Variants in FCHO2 observed in about 807,000 individuals in gnomAD.
The protein encoded by FCHO2 is FCH and mu domain containing endocytic adaptor 2.
A neutral mutation model predicts 114.1 loss-of-function variants in FCHO2; 43 were observed. The ratio of observed to expected loss-of-function variants is 0.38; its 90% CI spans 0.30 to 0.49. FCHO2 has a LOEUF of 0.49. FCHO2 is among the 20% of genes least tolerant of loss of function. The pLI is 0.97. For synonymous variants in FCHO2, 293 were observed against 315.2 expected, an observed-to-expected ratio of 0.93 and a Z score of 0.75; for missense variants, 807 against 950.4, an observed-to-expected ratio of 0.85 and a Z score of 1.98.
chr5:72,959,445 T>A (rs914506749), intron 1 of FCHO2, among the ~76,000 whole-genome samples: 4 of 152,040 alleles, frequency 2.6e-5, no homozygotes, highest in African/African-American at 4.8e-5. Context: ...GAGTTCAAGG[T>A]TGCAGTAGGT....
chr5:72,974,177 C>T (rs1292034682), intron 2 of FCHO2, among the ~76,000 whole-genome samples: 4 of 147,246 alleles, frequency 2.7e-5, no homozygotes, highest in Admixed American at 6.7e-5. Flanking sequence ...AATGTATATT[C>T]TGTTGATTTG....
At chr5:73,054,459 T>C in intron 14 of FCHO2, 66 bp from the exon 15 acceptor site, 1 of 1,390,800 alleles carries the variant, frequency 7.2e-7, no homozygotes, top group South Asian at 1.3e-5. Flanking sequence ...AGTATTAACA[T>C]TTTACCAAAT....
In FCHO2 at chr5:73,068,646, T is replaced by C. The variant is rs745958783; in HGVS notation, c.1450-4T>C. ...ATTTTGATAAATAACTTTTTGTTTTTAAGCCCAGGCCATTCAGCCCACCTG... is the reference window on the plus strand; with the variant it reads ...ATTTTGATAAATAACTTTTTGTTTTCAAGCCCAGGCCATTCAGCCCACCTG... On this transcript the variant is annotated splice_polypyrimidine_tract_variant and splice_region_variant and intron_variant, in intron 18 of 25. Transcript: ENST00000430046. 3 of 1,607,826 alleles carry C rather than the reference T, an allele frequency of 1.9e-6. No homozygotes were observed. In the African/African-American group the frequency reaches 4.0e-5, roughly 22 times the overall value.
chr5:73,087,850 A>G, intron 25 of FCHO2, 97 bp downstream of exon 25: 2 of 1,495,276 alleles, frequency 1.3e-6, no homozygotes, highest in East Asian at 4.5e-5. Context: ...ATCTAAAGAC[A>G]TGGAAATTTT....
rs1484761353 is a variant in FCHO2 at position 73,017,261 on chromosome 5, T to C, written c.749T>C (p.Leu250Ser). The C allele has an allele frequency of 6.4e-7, 1 of 1,566,778 alleles. No homozygotes were observed. The highest frequency in any genetic ancestry group is 8.7e-7 in the Non-Finnish European group (1 of 1,154,900). ...NNMANTTVES[L>S]IQKFAESKGT... Reference sequence around the variant, plus strand: ...ATGGCTAATACTACAGTTGAAAGTTTGATACAAAAATTTGCTGAGTCAAAA... The same window carrying C: ...ATGGCTAATACTACAGTTGAAAGTTCGATACAAAAATTTGCTGAGTCAAAA... The change falls in exon 8 of 26, where the codon TTG becomes TCG. Residue 250 changes from leucine (L) to serine (S), a missense_variant. Transcript: ENST00000430046.
chr5:73,052,957 G>A (rs750475612), intron 13 of FCHO2: 2 of 153,000 alleles, frequency 1.3e-5, no homozygotes, highest in Non-Finnish European at 2.9e-5. Context: ...GCACAGATAA[G>A]AGTTCTTAGT....
chr5:73,077,961 G>T (rs930817719), intron 21 of FCHO2, among the ~76,000 whole-genome samples: 7 of 152,018 alleles, frequency 4.6e-5, no homozygotes, highest in African/African-American at 1.7e-4. Flanking sequence ...TTTGTTTTCA[G>T]TGGTGCTAAT....
intron 8 of FCHO2, among the ~76,000 whole-genome samples, chr5:73,033,140 A>G (rs1756321252): frequency 6.6e-6 from 1 of 152,172 alleles, no homozygotes; most frequent in Non-Finnish European, 1.5e-5. Context: ...ATGGGTTTGA[A>G]TAAAGTCCTT....
intron 1 of FCHO2, among the ~76,000 whole-genome samples, chr5:72,965,004 T>TAA (rs547076357): frequency 7.0e-6 from 1 of 143,388 alleles, no homozygotes. Context: ...GTTATCAGAT[T>TAA]AAAAAAAAAA....
At chr5:73,001,077 A>G (rs1037079814) in intron 5 of FCHO2, among the ~76,000 whole-genome samples, 2 of 152,110 alleles carry the variant, frequency 1.3e-5, no homozygotes, top group East Asian at 3.9e-4. Flanking sequence ...GTTTCTTATG[A>G]AAGATGTTTC....
chr5:72,956,865 G>C (rs963371340), intron 1 of FCHO2, among the ~76,000 whole-genome samples: 2 of 151,444 alleles, frequency 1.3e-5, no homozygotes, highest in Admixed American at 1.3e-4. Flanking sequence ...AATTTCTCCG[G>C]CTCCCGGTGG....
At position 73,081,866 on chromosome 5, in the gene FCHO2, G is replaced by A; in HGVS notation, c.2064G>A (p.Val688=). 1 of 1,612,464 alleles carries A rather than the reference G, an allele frequency of 6.2e-7. No individual in the cohort carries two copies. Among genetic ancestry groups the A allele is most frequent in the Non-Finnish European group, 8.5e-7 (1 of 1,179,174 alleles). The change falls in exon 23 of 26, where the codon GTG becomes GTA. Residue 688 remains valine, a synonymous_variant. Transcript: ENST00000430046. ...GTGCTAGCACCACAGATCTTAGAGT[G>A]GATTATAAATACAATCCAGAAGCTA... is the stretch of plus-strand genomic sequence containing the variant. ...KCSASTTDLR[V]DYKYNPEAMV...
intron 11 of FCHO2, among the ~76,000 whole-genome samples, chr5:73,048,683 C>T (rs910556511): frequency 2.0e-5 from 3 of 151,910 alleles, no homozygotes; most frequent in East Asian, 1.9e-4. Context: ...TGTGTCTTCA[C>T]GGTAAATTTC....
At chr5:72,996,325 A>G (rs1343880426) in intron 5 of FCHO2, among the ~76,000 whole-genome samples, 1 of 152,254 alleles carries the variant, frequency 6.6e-6, no homozygotes, top group Non-Finnish European at 1.5e-5. Context: ...ACTCTTGCAA[A>G]GAAAAGGGGA....
At chr5:73,031,788 C>G (rs2112787385) in intron 8 of FCHO2, among the ~76,000 whole-genome samples, 1 of 152,258 alleles carries the variant, frequency 6.6e-6, no homozygotes, top group Non-Finnish European at 1.5e-5. Context: ...AAAAGAGCAT[C>G]AGGAGACAGA....
chr5:72,984,635 C>A (rs773922587), intron 2 of FCHO2, among the ~76,000 whole-genome samples: 84 of 151,984 alleles, frequency 5.5e-4, no homozygotes, highest in Non-Finnish European at 9.7e-4. Flanking sequence ...TTAATTTTAT[C>A]CACACTTTAA....
At chr5:73,057,020 C>T (rs1268701381) in intron 16 of FCHO2, among the ~76,000 whole-genome samples, 3 of 151,968 alleles carry the variant, frequency 2.0e-5, no homozygotes, top group African/African-American at 4.8e-5. Context: ...AGTGCAGTGG[C>T]GTGATCATGG....
intron 11 of FCHO2, among the ~76,000 whole-genome samples, chr5:73,050,271 C>CT (rs1561478294): frequency 1.3e-5 from 2 of 151,576 alleles, no homozygotes; most frequent in African/African-American, 4.8e-5. Flanking sequence ...CCTTCCCTCC[C>CT]TCCCTCTCTG....
intron 5 of FCHO2, among the ~76,000 whole-genome samples, chr5:72,993,272 C>T (rs2112675773): frequency 6.6e-6 from 1 of 151,274 alleles, no homozygotes; most frequent in South Asian, 2.1e-4. Context: ...TTTTAAAAAG[C>T]AATAGAGAAA....
Sources: gnomAD v4.1 joint callset for allele counts (sites outside exome capture counted in the v4.1 genomes callset) on GRCh38, gnomAD v4.1.1 for gene constraint, MANE v1.5 for transcripts, NCBI Gene and HGNC (gene_info 2026-07-23, HGNC 2026-07-21) for gene names.